Variants in MDN1 observed in about 807,000 individuals in gnomAD.
The protein encoded by MDN1 is midasin.
Under a neutral mutation model 669.2 loss-of-function variants are expected in MDN1, and 266 were observed. The observed-to-expected ratio is 0.40, with a 90% CI of 0.36 to 0.44. MDN1 has a LOEUF of 0.44. Among genes scored for constraint, MDN1 ranks in the 20% least tolerant of loss-of-function variants. The pLI is 1.00. For synonymous variants in MDN1, 2,385 were observed against 2,457.1 expected (o/e 0.97, Z 0.87); for missense variants, 5,940 against 6,754.0 (o/e 0.88, Z 4.22).
At chr6:89,724,238 T>C (rs751398901) in intron 38 of MDN1, among the ~76,000 whole-genome samples, 3 of 152,230 alleles carry the variant, frequency 2.0e-5, no homozygotes, top group Non-Finnish European at 4.4e-5. Flanking sequence ...GTATTCACTA[T>C]AAAAGTCATC....
chr6:89,809,935 G>A (rs1768278263), intron 1 of MDN1, among the ~76,000 whole-genome samples: 1 of 138,242 alleles, frequency 7.2e-6, no homozygotes, highest in Admixed American at 7.9e-5. Flanking sequence ...AGGCTGCAGT[G>A]AGCCATGATT....
At chr6:89,671,195 A>G in intron 82 of MDN1, 115 bp from the exon 83 acceptor site, 1 of 1,130,768 alleles carries the variant, frequency 8.8e-7, no homozygotes, top group Non-Finnish European at 1.2e-6. Flanking sequence ...ACTAAATAGT[A>G]CTAATGGCAA....
At chr6:89,711,922 C>A in intron 49 of MDN1, 114 bp downstream of exon 49, 1 of 970,226 alleles carries the variant, frequency 1.0e-6, no homozygotes, top group South Asian at 1.7e-5. Flanking sequence ...CCTAGGAGAC[C>A]TCCCAACTGT....
chr6:89,784,882 A>G (rs1035989339), intron 9 of MDN1, 130 bp downstream of exon 9: 5 of 615,224 alleles, frequency 8.1e-6, no homozygotes, highest in Non-Finnish European at 1.5e-5. Flanking sequence ...AAGCAAATAC[A>G]GTAAAATACT....
At chr6:89,668,782 C>T (rs888567131) in intron 83 of MDN1, among the ~76,000 whole-genome samples, 2 of 152,176 alleles carry the variant, frequency 1.3e-5, no homozygotes, top group Non-Finnish European at 2.9e-5. Flanking sequence ...CAGCTTCCTG[C>T]GGATCAAGAG....
At chr6:89,747,845 T>C (rs747891749) in intron 26 of MDN1, among the ~76,000 whole-genome samples, 28 of 127,834 alleles carry the variant, frequency 2.2e-4, no homozygotes, top group African/African-American at 8.0e-4. Flanking sequence ...GAGCCGAGAC[T>C]GCGCCACTGC....
At chr6:89,708,919 A>T (rs1452831477) in intron 50 of MDN1, among the ~76,000 whole-genome samples, 1 of 151,738 alleles carries the variant, frequency 6.6e-6, no homozygotes, top group Non-Finnish European at 1.5e-5. Flanking sequence ...CCAACCAATG[A>T]ATTCACTTCC....
intron 11 of MDN1, 61 bp downstream of exon 11, chr6:89,780,151 A>C: frequency 1.1e-6 from 1 of 916,464 alleles, no homozygotes; most frequent in Non-Finnish European, 1.7e-6. Context: ...ACAGAAAATA[A>C]CAACGGAAGT....
At chr6:89,810,339 G>A (rs1768327912) in intron 1 of MDN1, among the ~76,000 whole-genome samples, 1 of 152,040 alleles carries the variant, frequency 6.6e-6, no homozygotes, top group Admixed American at 6.6e-5. Context: ...GGAAGGCTGA[G>A]GCAGGAGAAT....
chr6:89,696,132 G>T (rs992315598), intron 60 of MDN1, 140 bp from the exon 61 acceptor site: 1 of 1,262,286 alleles, frequency 7.9e-7, no homozygotes, highest in African/African-American at 1.5e-5. Context: ...TTCTCACATG[G>T]TCTTATTTGG....
intron 10 of MDN1, among the ~76,000 whole-genome samples, chr6:89,780,641 CTTT>C (rs575664748): frequency 4.6e-5 from 6 of 131,212 alleles, no homozygotes; most frequent in Admixed American, 7.7e-5. Context: ...ATGCCATTTC[CTTT>C]TTTTTTTTTT....
At position 89,674,548 on chromosome 6, in the gene MDN1, A is replaced by G; in HGVS notation, c.12803T>C (p.Met4268Thr). 2 of 1,595,250 alleles carry G rather than the reference A, an allele frequency of 1.3e-6. No homozygotes were observed. Among genetic ancestry groups the G allele is most frequent in the Non-Finnish European group, 1.7e-6 (2 of 1,175,358 alleles). Reference sequence around the variant, plus strand: ...GGCCACGGGGTAGGCCTGGGGCCCCATCAGCCTGCTGTGAATCTCTTGCAC... The same window carrying G: ...GGCCACGGGGTAGGCCTGGGGCCCCGTCAGCCTGCTGTGAATCTCTTGCAC... Reference protein sequence around the residue: ...SCVQEIHSRLMGPQAYPVAFP... With the variant: ...SCVQEIHSRLTGPQAYPVAFP... Residue 4268 changes from methionine to threonine, a missense_variant, in exon 79 of 102, where the codon ATG (methionine) becomes ACG (threonine). Met to Thr is a moderately conservative substitution (Grantham distance 81, BLOSUM62 -1). Around this residue, in one of 5 missense-constraint regions of MDN1, gnomAD observed 2,280 missense variants for 2,576.3 expected, o/e 0.88. Coordinates refer to ENST00000369393, the MANE Select transcript of MDN1 (RefSeq NM_014611.3).
chr6:89,702,667 GTGTTT>G (rs1221954938), intron 53 of MDN1, among the ~76,000 whole-genome samples: 9 of 152,182 alleles, frequency 5.9e-5, no homozygotes, highest in Non-Finnish European at 1.2e-4. Flanking sequence ...TGGAATTTAT[GTGTTT>G]TGTTAGCAGT....
intron 64 of MDN1, 89 bp downstream of exon 64, chr6:89,690,584 A>T (rs543958450): frequency 6.7e-7 from 1 of 1,485,472 alleles, no homozygotes. Flanking sequence ...AGAGAGAGAG[A>T]TAAAGAGGAA....
intron 8 of MDN1, among the ~76,000 whole-genome samples, chr6:89,785,823 G>A (rs1818924689): frequency 6.6e-6 from 1 of 152,164 alleles, no homozygotes; most frequent in South Asian, 2.1e-4. Flanking sequence ...GAATCTACCA[G>A]GGAAGAACTT....
At position 89,650,194 on chromosome 6, in the gene MDN1, CTCCTCT is replaced by C. The variant is rs763537803; in HGVS notation, c.16032-2_16035del. The C allele has an allele frequency of 6.2e-7, 1 of 1,613,548 alleles. No individual in the cohort carries two copies. Among genetic ancestry groups the C allele is most frequent in the South Asian group, 1.1e-5 (1 of 91,004 alleles). ...TTTAGTCGTTTCCCAGTTCGATAGTCTCCTCTATTTATTCAAATGGGGGCAAAAATT... is the reference window on the plus strand; with the variant it reads ...TTTAGTCGTTTCCCAGTTCGATAGTCATTTATTCAAATGGGGGCAAAAATT... On this transcript the variant is annotated splice_acceptor_variant and coding_sequence_variant, in exon 97 of 102. Coordinates refer to ENST00000369393, the MANE Select transcript of MDN1 (RefSeq NM_014611.3). LOFTEE classifies it high-confidence loss of function.
chr6:89,773,964 TAAAAAGAAAAAAAA>T (rs1288600102), intron 13 of MDN1, among the ~76,000 whole-genome samples: 2 of 143,504 alleles, frequency 1.4e-5, no homozygotes, highest in African/African-American at 5.2e-5. Context: ...GACTCTGTCT[TAAAAAGAAAAAAAA>T]AAAAAGAAAA....
At position 89,768,914 on chromosome 6, in the gene MDN1, T is replaced by C. The variant is rs958100776; in HGVS notation, c.2144+2647A>G. 9.9e-5 allele frequency among the ~76,000 whole-genome samples: 15 copies of C among 152,012 alleles called. 1 individual carries two copies. The highest frequency in any genetic ancestry group is 3.4e-4 in the African/African-American group (14 of 41,360). On this transcript the variant is annotated intron_variant, in intron 15 of 101. Transcript: ENST00000369393. ...CTACTAAAAATAAATCAGCTGCATG[T>C]AGTGGCTTGTGCTTGCAGTCCCACA...
chr6:89,735,584 T>G (rs933618666), intron 33 of MDN1, among the ~76,000 whole-genome samples: 1 of 152,056 alleles, frequency 6.6e-6, no homozygotes, highest in Non-Finnish European at 1.5e-5. Context: ...ATGGATAATA[T>G]TACTACAGAG....
Sources: gnomAD v4.1 joint callset for allele counts (sites outside exome capture counted in the v4.1 genomes callset) on GRCh38, gnomAD v4.1.1 for gene constraint, gnomAD v4.1.1 regional missense constraint, MANE v1.5 for transcripts, NCBI Gene and HGNC (gene_info 2026-07-23, HGNC 2026-07-21) for gene names.